The following PRKCA variants were observed in gnomAD, a reference collection of about 807,000 sequenced individuals.
PRKCA encodes protein kinase C alpha, also known as protein kinase C alpha type.
PRKCA carries 27 observed loss-of-function variants against 87.0 expected under a neutral mutation model. The ratio of observed to expected loss-of-function variants is 0.31; its 90% confidence interval spans 0.23 to 0.43. PRKCA has a LOEUF of 0.43. Ranked by LOEUF, PRKCA falls within the 20% of genes least tolerant of loss-of-function variation. The pLI, the probability that PRKCA is intolerant of heterozygous loss-of-function variation, is 1.00. For missense variants in PRKCA, 518 were observed against 852.3 expected (o/e 0.61, Z 4.88); for synonymous variants, 329 against 311.1 (o/e 1.06, Z -0.61).
chr17:66,457,566 C>G (rs1914627042), intron 2 of PRKCA, among the ~76,000 whole-genome samples: 1 of 151,994 alleles, frequency 6.6e-6, no homozygotes, highest in Non-Finnish European at 1.5e-5. Flanking sequence ...ACTGTAGTTC[C>G]CATAATCCCC....
chr17:66,653,740 C>T lies in PRKCA; in HGVS notation c.529+8229C>T, dbSNP rs1436766535. 3.3e-5 allele frequency among the ~76,000 whole-genome samples: 5 copies of T among 149,254 alleles called. No homozygotes were observed. In the East Asian group the frequency reaches 9.9e-4, roughly 30 times the overall value. On this transcript the variant is annotated intron_variant, in intron 5 of 16. Transcript: ENST00000413366. The stretch of plus-strand genomic sequence containing the variant: ...ACCACTCTCCTCGATCTGGGGGTTC[C>T]ATGCCTACTTTAAAGACACCAGCTT...
intron 8 of PRKCA, among the ~76,000 whole-genome samples, chr17:66,712,299 C>G: frequency 6.6e-6 from 1 of 152,210 alleles, no homozygotes; most frequent in East Asian, 1.9e-4. Flanking sequence ...GGAACTCGTA[C>G]TTGGGTCCTG....
chr17:66,775,109 C>T (rs150570972), intron 14 of PRKCA: 1 of 985,370 alleles, frequency 1.0e-6, no homozygotes, highest in East Asian at 1.1e-4. Context: ...AAATCTGAGA[C>T]CCTACAAGAT....
intron 8 of PRKCA, among the ~76,000 whole-genome samples, chr17:66,699,030 T>C (rs1311674187): frequency 1.3e-5 from 2 of 150,922 alleles, no homozygotes; most frequent in Non-Finnish European, 3.0e-5. Flanking sequence ...GAGAAAGATA[T>C]GGACAGTAGA....
At chr17:66,762,346 TAC>T (rs2144299751) in intron 13 of PRKCA, among the ~76,000 whole-genome samples, 1 of 152,318 alleles carries the variant, frequency 6.6e-6, no homozygotes, top group South Asian at 2.1e-4. Flanking sequence ...CACATTTTAA[TAC>T]ACATAATGCC....
chr17:66,509,199 TG>T (rs1917116019), intron 3 of PRKCA, among the ~76,000 whole-genome samples: 1 of 151,560 alleles, frequency 6.6e-6, no homozygotes, highest in East Asian at 1.9e-4. Context: ...TGTGTGTGTG[TG>T]TGTGTGTGTA....
intron 1 of PRKCA, among the ~76,000 whole-genome samples, chr17:66,305,350 G>A (rs529606868): frequency 6.6e-6 from 1 of 152,292 alleles, no homozygotes; most frequent in Non-Finnish European, 1.5e-5. Context: ...TGTGAAGCAA[G>A]AGATTATGAC....
chr17:66,577,600 C>G (rs936589475), intron 3 of PRKCA, among the ~76,000 whole-genome samples: 1 of 152,304 alleles, frequency 6.6e-6, no homozygotes, highest in East Asian at 1.9e-4. Context: ...GCCTGCACTT[C>G]GGCTCTGGTT....
chr17:66,579,185 G>A (rs1237824303), intron 3 of PRKCA, among the ~76,000 whole-genome samples: 3 of 152,210 alleles, frequency 2.0e-5, no homozygotes, highest in Admixed American at 2.0e-4. Context: ...GAGTAGTAGG[G>A]AAGACAGACA....
At chr17:66,474,589 C>T (rs879520177) in intron 2 of PRKCA, among the ~76,000 whole-genome samples, 3 of 152,206 alleles carry the variant, frequency 2.0e-5, no homozygotes, top group Non-Finnish European at 4.4e-5. Flanking sequence ...CCATATTCCA[C>T]CTTCAGCTGT....
chr17:66,516,664 A>T (rs993601087), intron 3 of PRKCA, among the ~76,000 whole-genome samples: 24 of 152,106 alleles, frequency 1.6e-4, no homozygotes, highest in Non-Finnish European at 3.4e-4. Context: ...AGGACTTGAT[A>T]TGAGAGCTGC....
intron 8 of PRKCA, among the ~76,000 whole-genome samples, chr17:66,716,828 A>G (rs1463455249): frequency 6.6e-6 from 1 of 152,250 alleles, no homozygotes; most frequent in East Asian, 1.9e-4. Flanking sequence ...CTCAGTTGCC[A>G]TGACAACGGA....
At chr17:66,595,531 C>G (rs1038283294) in intron 3 of PRKCA, among the ~76,000 whole-genome samples, 4 of 144,048 alleles carry the variant, frequency 2.8e-5, no homozygotes, top group Admixed American at 7.3e-5. Context: ...GCAATCTCGG[C>G]TCACTGCAAG....
intron 5 of PRKCA, among the ~76,000 whole-genome samples, chr17:66,665,092 G>A (rs1224440290): frequency 1.3e-5 from 2 of 152,130 alleles, no homozygotes; most frequent in East Asian, 1.9e-4. Context: ...GTGTGTGTCC[G>A]AATAACACTG....
intron 16 of PRKCA, among the ~76,000 whole-genome samples, chr17:66,797,235 G>A (rs554246522): frequency 3.3e-4 from 50 of 152,324 alleles, no homozygotes; most frequent in South Asian, 6.2e-4. Context: ...TGTGAGCAAT[G>A]TGTTTGCCAC....
chr17:66,499,800 T>C (rs1567860633), intron 3 of PRKCA, among the ~76,000 whole-genome samples: 1 of 151,814 alleles, frequency 6.6e-6, no homozygotes, highest in Non-Finnish European at 1.5e-5. Context: ...GAGAAAGAGG[T>C]ATATTAGATA....
chr17:66,416,422 G>A (rs912882110), intron 2 of PRKCA: 3 of 152,540 alleles, frequency 2.0e-5, no homozygotes, highest in Non-Finnish European at 4.4e-5. Flanking sequence ...ACAGGCAGAG[G>A]TGGCTAGGGG....
intron 13 of PRKCA, among the ~76,000 whole-genome samples, chr17:66,755,010 G>A (rs1277212206): frequency 1.3e-5 from 2 of 151,740 alleles, no homozygotes; most frequent in East Asian, 1.9e-4. Flanking sequence ...TTCCAAGGTC[G>A]GGTGACCCAA....
chr17:66,348,099 G>A (rs962449854), intron 2 of PRKCA, among the ~76,000 whole-genome samples: 1 of 151,446 alleles, frequency 6.6e-6, no homozygotes, highest in Non-Finnish European at 1.5e-5. Flanking sequence ...ACGCCACCAC[G>A]CCCGGCTAAT....
Sources: allele counts gnomAD v4.1 joint callset (sites outside exome capture counted in the v4.1 genomes callset), GRCh38; gene constraint gnomAD v4.1.1; transcripts MANE v1.5; gene names NCBI Gene and HGNC (gene_info 2026-07-23, HGNC 2026-07-21).